PCDHA1: variants seen among roughly 807,000 people sequenced by gnomAD.
PCDHA1 encodes the protein protocadherin alpha-1.
Under a neutral mutation model 61.3 loss-of-function variants are expected in PCDHA1, and 42 were observed. The observed-to-expected ratio is 0.69, with a 90% confidence interval of 0.54 to 0.89. PCDHA1 has a LOEUF of 0.89. Ranked by LOEUF, PCDHA1 falls within the 40% of genes least tolerant of loss-of-function variation. The pLI is 0.00. For missense variants in PCDHA1, 1,256 were observed against 1,235.3 expected (o/e 1.02, Z -0.25); for synonymous variants, 610 against 553.8 (o/e 1.10, Z -1.43).
At chr5:140,967,409 C>T (rs1451311967) in intron 1 of PCDHA1, 9 of 1,613,130 alleles carry the variant, frequency 5.6e-6, no homozygotes, top group Non-Finnish European at 7.6e-6. Flanking sequence ...GCGTAAGGGC[C>T]TAGACCGGGA....
intron 1 of PCDHA1, chr5:140,966,628 C>G (rs944715570): frequency 7.9e-5 from 76 of 964,108 alleles, no homozygotes; most frequent in Non-Finnish European, 1.0e-4. Flanking sequence ...GGGAGCGGCC[C>G]CAGGCGCTTT....
At chr5:140,896,555 T>C (rs2065621728) in intron 1 of PCDHA1, among the ~76,000 whole-genome samples, 1 of 151,910 alleles carries the variant, frequency 6.6e-6, no homozygotes, top group African/African-American at 2.4e-5. Context: ...TTTTGTATTT[T>C]AAGTAGAGAT....
At chr5:140,936,925 T>C (rs1554211273) in intron 1 of PCDHA1, among the ~76,000 whole-genome samples, 2 of 152,208 alleles carry the variant, frequency 1.3e-5, no homozygotes, top group African/African-American at 2.4e-5. Context: ...AAATATGGGG[T>C]ATATTGAAAA....
At chr5:140,889,763 T>C (rs2062377523) in intron 1 of PCDHA1, among the ~76,000 whole-genome samples, 1 of 152,192 alleles carries the variant, frequency 6.6e-6, no homozygotes, top group African/African-American at 2.4e-5. Context: ...TCCTTGAACT[T>C]TGACTGGTCT....
intron 1 of PCDHA1, chr5:140,877,520 C>T (rs2057180531): frequency 6.2e-7 from 1 of 1,613,784 alleles, no homozygotes; most frequent in Non-Finnish European, 8.5e-7. Context: ...TCGCGGGCCT[C>T]AGTGGGCGCT....
At chr5:140,870,692 T>C (rs1321391908) in intron 1 of PCDHA1, 2 of 1,612,828 alleles carry the variant, frequency 1.2e-6, no homozygotes, top group African/African-American at 1.3e-5. Flanking sequence ...CTGGAGCTGC[T>C]ACAGTTCCAG....
intron 1 of PCDHA1, chr5:140,808,340 G>C: frequency 6.2e-7 from 1 of 1,614,254 alleles, no homozygotes; most frequent in Non-Finnish European, 8.5e-7. Flanking sequence ...CAATGGGCTG[G>C]TCACCTGCTC....
At chr5:140,958,746 G>C (rs946339571) in intron 1 of PCDHA1, among the ~76,000 whole-genome samples, 1 of 152,066 alleles carries the variant, frequency 6.6e-6, no homozygotes, top group African/African-American at 2.4e-5. Flanking sequence ...AGAGAGAAAG[G>C]AGATTTTTAC....
intron 1 of PCDHA1, chr5:140,848,634 C>A (rs1364235763): frequency 1.1e-5 from 17 of 1,593,322 alleles, no homozygotes; most frequent in Non-Finnish European, 1.5e-5. Context: ...CTTCGTGGGC[C>A]GCATCGCGCA....
chr5:140,809,090 C>A, intron 1 of PCDHA1: 1 of 1,613,952 alleles, frequency 6.2e-7, no homozygotes, highest in Non-Finnish European at 8.5e-7. Flanking sequence ...CAGCACAACG[C>A]GTGCCCTGGA....
intron 1 of PCDHA1, among the ~76,000 whole-genome samples, chr5:140,840,258 A>AT (rs1258351713): frequency 9.9e-5 from 15 of 152,108 alleles, no homozygotes; most frequent in South Asian, 2.1e-4. Context: ...AAAAATTGTG[A>AT]TTTTTTAATG....
At chr5:140,845,597 G>C (rs1779944998) in intron 1 of PCDHA1, among the ~76,000 whole-genome samples, 1 of 149,484 alleles carries the variant, frequency 6.7e-6, no homozygotes, top group African/African-American at 2.4e-5. Flanking sequence ...TCAGAAGTTA[G>C]TTATTAAGTA....
intron 1 of PCDHA1, among the ~76,000 whole-genome samples, chr5:140,790,915 G>C (rs112310512): frequency 1.3e-5 from 2 of 152,282 alleles, no homozygotes; most frequent in African/African-American, 4.8e-5. Context: ...CTAGAATGGA[G>C]GAAAAAATGA....
At chr5:140,944,596 G>A (rs2093672992) in intron 1 of PCDHA1, among the ~76,000 whole-genome samples, 1 of 152,138 alleles carries the variant, frequency 6.6e-6, no homozygotes, top group Admixed American at 6.5e-5. Context: ...ATTTCCCTGG[G>A]TAGAGTAGTG....
chr5:140,855,025 A>G (rs2043311699), intron 1 of PCDHA1, among the ~76,000 whole-genome samples: 1 of 149,914 alleles, frequency 6.7e-6, no homozygotes. Context: ...AACTTCTTGT[A>G]TAAAGGATTT....
At chr5:140,903,570 C>G (rs781884167) in intron 1 of PCDHA1, among the ~76,000 whole-genome samples, 3 of 152,154 alleles carry the variant, frequency 2.0e-5, no homozygotes, top group Non-Finnish European at 4.4e-5. Context: ...GAATTGGGAG[C>G]TGTCTAGCTG....
chr5:140,852,883 G>T, intron 1 of PCDHA1: 1 of 933,168 alleles, frequency 1.1e-6, no homozygotes, highest in Non-Finnish European at 1.3e-6. Flanking sequence ...ATCATAAAAC[G>T]TATTTTTTTT....
chr5:140,858,772 A>G lies in PCDHA1; in HGVS notation c.2394+70088A>G. ...TTTCGTTACAAATATTTGTGAGATTAGTACTTCATGTTATTTCATTTCCAA... is the reference window on the plus strand; with the variant it reads ...TTTCGTTACAAATATTTGTGAGATTGGTACTTCATGTTATTTCATTTCCAA... On this transcript the variant is annotated intron_variant, in intron 1 of 3. Transcript: ENST00000504120. 1.4e-5 allele frequency: 6 copies of G among 437,250 alleles called. No homozygotes were observed. In the South Asian group the frequency reaches 1.5e-4, roughly 11 times the overall value. 27.1% of individuals were successfully genotyped at this position (437,250 alleles called of 1,614,324 possible).
chr5:140,842,517 C>T (rs2150337878), intron 1 of PCDHA1: 7 of 1,613,506 alleles, frequency 4.3e-6, no homozygotes, highest in South Asian at 1.1e-5. Context: ...AAGCTGGTGT[C>T]CACCTTCAAG....
Sources: gnomAD v4.1 joint callset for allele counts (sites outside exome capture counted in the v4.1 genomes callset) on GRCh38, gnomAD v4.1.1 for gene constraint, MANE v1.5 for transcripts, NCBI Gene and HGNC (gene_info 2026-07-23, HGNC 2026-07-21) for gene names.